The following UBE2D3 variants were observed in gnomAD, a reference collection of about 807,000 sequenced individuals.
UBE2D3 encodes ubiquitin-conjugating enzyme E2 D3.
A neutral mutation model predicts 22.8 loss-of-function variants in UBE2D3; 2 were observed. The observed-to-expected ratio is 0.09, with a 90% CI of 0.04 to 0.28. UBE2D3 has a LOEUF of 0.28. Among genes scored for constraint, UBE2D3 ranks in the 10% least tolerant of loss-of-function variants. The pLI, the probability that UBE2D3 is intolerant of heterozygous loss-of-function variation, is 1.00. For synonymous variants in UBE2D3, 56 were observed against 60.4 expected (o/e 0.93, Z 0.34); for missense variants, 27 against 182.5 (o/e 0.15, Z 4.91).
chr4:102,800,784 GC>G (rs1560842773), intron 6 of UBE2D3, among the ~76,000 whole-genome samples: 2 of 151,978 alleles, frequency 1.3e-5, no homozygotes, highest in Middle Eastern at 3.4e-3. Flanking sequence ...TTTTGAAAAA[GC>G]TTTTTTGTAC....
chr4:102,829,172 G>C (rs1262818762), upstream of UBE2D3, among the ~76,000 whole-genome samples: 3 of 152,160 alleles, frequency 2.0e-5, no homozygotes, highest in African/African-American at 7.2e-5. Flanking sequence ...ACTTTGATTT[G>C]GTAGGGCAGT....
At chr4:102,836,798 T>C (rs1270594010) in intron 1 of UBE2D3, among the ~76,000 whole-genome samples, 1 of 152,276 alleles carries the variant, frequency 6.6e-6, no homozygotes, top group Non-Finnish European at 1.5e-5. Context: ...TGCTTCTTTG[T>C]CATCCACATA....
At chr4:102,867,189 A>G (rs1341411793) in intron 1 of UBE2D3, among the ~76,000 whole-genome samples, 1 of 152,216 alleles carries the variant, frequency 6.6e-6, no homozygotes, top group Non-Finnish European at 1.5e-5. Context: ...CAACTCTATT[A>G]CTGATATTCT....
chr4:102,838,402 C>T (rs1294139414), intron 1 of UBE2D3, among the ~76,000 whole-genome samples: 1 of 152,098 alleles, frequency 6.6e-6, no homozygotes, highest in Non-Finnish European at 1.5e-5. Flanking sequence ...GTACTTTCCC[C>T]AGGGAAATTT....
At chr4:102,827,136 C>T in intron 1 of UBE2D3, 1 of 986,512 alleles carries the variant, frequency 1.0e-6, no homozygotes, top group Non-Finnish European at 1.2e-6. Flanking sequence ...TCACCCCTGA[C>T]GCCACCGTAC....
rs1231299534 is a variant in UBE2D3 at position 102,797,179 on chromosome 4, G to A, written c.*236C>T. 1 of 374,834 alleles carries A rather than the reference G, an allele frequency of 2.7e-6. No individual in the cohort carries two copies. The highest frequency in any genetic ancestry group is 4.8e-6 in the Non-Finnish European group (1 of 207,052). The allele number at this position is 374,834 out of a possible 1,614,324, so 23.2% of individuals were successfully genotyped here. On this transcript the variant is annotated 3_prime_UTR_variant, in exon 8 of 8. Coordinates refer to ENST00000453744, the MANE Select transcript of UBE2D3 (RefSeq NM_181891.3). ...TTTTTTTTAAAAATTCTGAGTCTTG[G>A]GCAACTGTTCTCTTGTAACTACTTT...
Position 102,814,073 on chromosome 4 carries a change from G to A in UBE2D3, c.25-4218C>T, listed in dbSNP as rs1728447426. Among the ~76,000 whole-genome samples the A allele has an allele frequency of 2.0e-5, 3 of 152,082 alleles. No homozygotes were observed. The South Asian group carries it at 6.2e-4, about 32-fold the overall frequency. ...CTTGTCTGTATAGATATACCCTCATGTCTTCCACATATTCAGAAATGGAAG... is the reference window on the plus strand; with the variant it reads ...CTTGTCTGTATAGATATACCCTCATATCTTCCACATATTCAGAAATGGAAG... On this transcript the variant is annotated intron_variant, in intron 2 of 7. Transcript: ENST00000453744.
intron 2 of UBE2D3, among the ~76,000 whole-genome samples, chr4:102,816,121 A>G (rs1409797881): frequency 6.6e-6 from 1 of 152,248 alleles, no homozygotes; most frequent in Non-Finnish European, 1.5e-5. Context: ...TGTCTACTCA[A>G]TAAACCATCT....
chr4:102,858,758 C>T (rs1732742429), intron 1 of UBE2D3, among the ~76,000 whole-genome samples: 1 of 151,842 alleles, frequency 6.6e-6, no homozygotes, highest in African/African-American at 2.4e-5. Context: ...ACATTCTAAT[C>T]ATTTATGATA....
At chr4:102,810,980 T>C (rs1430507468) in intron 2 of UBE2D3, 1 of 152,244 alleles carries the variant, frequency 6.6e-6, no homozygotes, top group Non-Finnish European at 1.5e-5. Flanking sequence ...GTCTAGGGAC[T>C]ACTATATCTT....
In UBE2D3 at chr4:102,819,486, CTT is replaced by C. The variant is rs1434805939; in HGVS notation, c.24+6997_24+6998del. The C allele has an allele frequency of 1.7e-5, 15 of 890,172 alleles. No homozygotes were observed. The African/African-American group carries it at 2.7e-4, about 16-fold the overall frequency. The allele number at this position is 890,172 out of a possible 1,614,324, so 55.1% of individuals were successfully genotyped here. On this transcript the variant is annotated intron_variant, in intron 2 of 7. Transcript: ENST00000453744. ...AATAAGTATCTGAACATTCGGTTAA[CTT>C]TCTTTCAATGACAGCCAGTATCTGT...
rs763766129 is a variant in UBE2D3, at chr4:102,797,489, TTAAAA to T, written c.399-34_399-30del. 2.6e-6 allele frequency: 4 copies of T among 1,564,976 alleles called. No homozygotes were observed. In the South Asian group the frequency reaches 3.4e-5, roughly 13 times the overall value. ...TAAATAAAGATGTTATTTTTAAAAG[TTAAAA>T]TAAAGAATTCCTAATACTTTAAATG... On this transcript the variant is annotated intron_variant, in intron 7 of 7. Coordinates refer to ENST00000453744, the MANE Select transcript of UBE2D3 (RefSeq NM_181891.3).
At chr4:102,828,486 A>G (rs1048572959), upstream of UBE2D3, among the ~76,000 whole-genome samples, 1 of 152,310 alleles carries the variant, frequency 6.6e-6, no homozygotes, top group South Asian at 2.1e-4. Flanking sequence ...TACTGAGAAC[A>G]GCAGGGAGCA....
chr4:102,858,293 T>A (rs1408809104), intron 1 of UBE2D3, among the ~76,000 whole-genome samples: 3 of 151,998 alleles, frequency 2.0e-5, no homozygotes, highest in Admixed American at 2.0e-4. Context: ...GAATCTGAAA[T>A]TCAGACTTAA....
rs1725062242 is a variant in UBE2D3 at position 102,794,505 on chromosome 4, A to G, written c.*2910T>C. ...TAGTGACTTGCACTGGGTTCCTCAT[A>G]AAAGACAAATTCACTTAAAAGTGTA... On this transcript the variant is annotated 3_prime_UTR_variant, in exon 8 of 8. Coordinates refer to ENST00000453744, the MANE Select transcript of UBE2D3 (RefSeq NM_181891.3). 4 of 152,084 alleles carry G rather than the reference A, an allele frequency of 2.6e-5. No individual in the cohort carries two copies. Among genetic ancestry groups the G allele is most frequent in the Admixed American group, 2.0e-4 (3 of 15,242 alleles). The allele number at this position is 152,084 out of a possible 1,614,324, so 9.4% of individuals were successfully genotyped here.
At chr4:102,838,807 C>CAAAAAAAAA (rs145975514) in intron 1 of UBE2D3, among the ~76,000 whole-genome samples, 1 of 54,308 alleles carries the variant, frequency 1.8e-5, no homozygotes, top group Admixed American at 2.1e-4. Context: ...CTGTGCTGGG[C>CAAAAAAAAA]AAAAAAAAAA....
intron 1 of UBE2D3, among the ~76,000 whole-genome samples, chr4:102,845,763 G>T (rs1732011838): frequency 6.6e-6 from 1 of 152,126 alleles, no homozygotes; most frequent in Non-Finnish European, 1.5e-5. Flanking sequence ...TGGTAATTGT[G>T]CCTACTTTGT....
At chr4:102,814,024 T>C (rs1317533642) in intron 2 of UBE2D3, among the ~76,000 whole-genome samples, 1 of 152,222 alleles carries the variant, frequency 6.6e-6, no homozygotes, top group Non-Finnish European at 1.5e-5. Context: ...ATTTTAAGAC[T>C]GTATATCACA....
rs748218892 is a variant in UBE2D3 at position 102,799,382 on chromosome 4, TATAATA to T, written c.398+19_398+24del. 1.3e-6 allele frequency: 2 copies of T among 1,596,754 alleles called. No homozygotes were observed. Among genetic ancestry groups the T allele is most frequent in the Non-Finnish European group, 1.7e-6 (2 of 1,167,366 alleles). On this transcript the variant is annotated intron_variant, in intron 7 of 7. Transcript: ENST00000453744. ...CTAACTCATTAAGTAAAACCACTTT[TATAATA>T]ACTTTTTAACATACTTACTTATCTC...
Sources: gnomAD v4.1 joint callset for allele counts (sites outside exome capture counted in the v4.1 genomes callset) on GRCh38, gnomAD v4.1.1 for gene constraint, MANE v1.5 for transcripts, NCBI Gene and HGNC (gene_info 2026-07-23, HGNC 2026-07-21) for gene names.